C12orf42: variants seen among roughly 807,000 people sequenced by gnomAD.
C12orf42 encodes chromosome 12 open reading frame 42.
A neutral mutation model predicts 21.6 loss-of-function variants in C12orf42; 25 were observed. That is an observed-to-expected ratio of 1.16 (90% CI 0.84 to 1.62). The LOEUF is 1.62. C12orf42 is among the 40% of genes most tolerant of loss of function. The pLI is 0.00. For synonymous variants in C12orf42, 174 were observed against 175.0 expected (o/e 0.99, Z 0.05); for missense variants, 483 against 459.3 (o/e 1.05, Z -0.47).
the C12orf42 span, among the ~76,000 whole-genome samples, chr12:103,185,375 C>T: frequency 6.6e-6 from 1 of 152,202 alleles, no homozygotes; most frequent in Non-Finnish European, 1.5e-5. Context: ...TGCTTGATCA[C>T]TCATCGTCCA....
the C12orf42 span, among the ~76,000 whole-genome samples, chr12:103,553,963 G>A: frequency 6.6e-6 from 1 of 152,196 alleles, no homozygotes; most frequent in Non-Finnish European, 1.5e-5. Context: ...TCAGAAGGAA[G>A]TCTCAGAAAC....
the C12orf42 span, among the ~76,000 whole-genome samples, chr12:103,181,087 C>T: frequency 1.3e-5 from 2 of 151,666 alleles, no homozygotes; most frequent in African/African-American, 4.8e-5. Flanking sequence ...CATGGTGAAA[C>T]CCCGTCTCTA....
the C12orf42 span, among the ~76,000 whole-genome samples, chr12:103,122,654 G>A: frequency 6.6e-6 from 1 of 152,158 alleles, no homozygotes; most frequent in Non-Finnish European, 1.5e-5. Flanking sequence ...TTGGGCAGGA[G>A]AAATGTGAGG....
the C12orf42 span, among the ~76,000 whole-genome samples, chr12:103,090,722 A>G: frequency 4.6e-5 from 7 of 152,082 alleles, no homozygotes; most frequent in Admixed American, 6.5e-5. Context: ...AGATACCTAC[A>G]TTTCAACCGG....
chr12:103,068,957 A>ATG, the C12orf42 span, among the ~76,000 whole-genome samples: 5 of 73,128 alleles, frequency 6.8e-5, no homozygotes, highest in East Asian at 3.8e-4. Flanking sequence ...ATATATATAT[A>ATG]TATATATATA....
chr12:103,129,971 C>A, the C12orf42 span, among the ~76,000 whole-genome samples: 1 of 152,144 alleles, frequency 6.6e-6, no homozygotes, highest in Non-Finnish European at 1.5e-5. Context: ...AGGATAACAT[C>A]AAGGATACCA....
At chr12:103,208,510 G>A in the C12orf42 span, among the ~76,000 whole-genome samples, 1 of 152,136 alleles carries the variant, frequency 6.6e-6, no homozygotes, top group Non-Finnish European at 1.5e-5. Context: ...TTTTTACACT[G>A]TTGACTAAAG....
chr12:103,512,733 G>A, the C12orf42 span, among the ~76,000 whole-genome samples: 1 of 152,222 alleles, frequency 6.6e-6, no homozygotes, highest in African/African-American at 2.4e-5. Flanking sequence ...GCTGGCTGCA[G>A]TGGCTCATGC....
At chr12:103,353,555 C>T (rs1034491045) in intron 4 of C12orf42, among the ~76,000 whole-genome samples, 9 of 152,088 alleles carry the variant, frequency 5.9e-5, no homozygotes, top group Non-Finnish European at 8.8e-5. Flanking sequence ...GGGCCAGTAG[C>T]AGAGGCACTT....
At chr12:103,252,901 T>C (rs2034380359) in intron 10 of C12orf42, among the ~76,000 whole-genome samples, 1 of 152,232 alleles carries the variant, frequency 6.6e-6, no homozygotes, top group Non-Finnish European at 1.5e-5. Context: ...TGAATAGTAT[T>C]ACCTAGGTTT....
intron 2 of C12orf42, among the ~76,000 whole-genome samples, chr12:103,468,045 T>G (rs535924218): frequency 5.9e-5 from 9 of 152,326 alleles, no homozygotes; most frequent in Middle Eastern, 6.8e-3. Context: ...CAACAAACCT[T>G]AATTAATAAA....
At chr12:103,284,815 C>T (rs140947186) in intron 4 of C12orf42, among the ~76,000 whole-genome samples, 16 of 152,242 alleles carry the variant, frequency 1.1e-4, no homozygotes, top group African/African-American at 3.6e-4. Flanking sequence ...CTTTCGTGGG[C>T]CCCTACTGAA....
chr12:103,086,688 A>T, the C12orf42 span, among the ~76,000 whole-genome samples: 51 of 151,904 alleles, frequency 3.4e-4, no homozygotes, highest in African/African-American at 1.1e-3. Flanking sequence ...AACCCCAATA[A>T]CTCAAGGGAA....
In C12orf42 at chr12:103,302,501, G is replaced by T. The variant is rs749240934; in HGVS notation, c.690C>A (p.Gly230=). 1 of 1,613,260 alleles carries T rather than the reference G, an allele frequency of 6.2e-7. No homozygotes were observed. Among genetic ancestry groups the T allele is most frequent in the Non-Finnish European group, 8.5e-7 (1 of 1,179,788 alleles). ...TACTCGGGCCGGTGCTCTGCAGAGC[G>T]CCGGGCGTCTGGCTCCTCCTGCAGA... is the stretch of plus-strand genomic sequence containing the variant. ...IGLCRRSQTP[G]ALQSTGPSNT... Residue 230 remains glycine (G), a synonymous_variant, in exon 6 of 6, where the codon GGC becomes GGA. Transcript: ENST00000548883.
chr12:103,244,988 G>T (rs1343522927), intron 10 of C12orf42, among the ~76,000 whole-genome samples: 2 of 152,014 alleles, frequency 1.3e-5, no homozygotes, highest in Non-Finnish European at 2.9e-5. Flanking sequence ...CAGAAGCAAA[G>T]GGGGAAAACA....
chr12:103,234,965 T>C (rs2033424744), downstream of C12orf42, among the ~76,000 whole-genome samples: 1 of 152,162 alleles, frequency 6.6e-6, no homozygotes, highest in Non-Finnish European at 1.5e-5. Flanking sequence ...AAGAATTCAA[T>C]ATATAAATGT....
At chr12:103,452,055 G>C (rs189605951) in intron 2 of C12orf42, among the ~76,000 whole-genome samples, 2 of 151,824 alleles carry the variant, frequency 1.3e-5, no homozygotes, top group African/African-American at 4.8e-5. Flanking sequence ...TGTTGATTTA[G>C]GCCAGATGAA....
At chr12:103,377,971 T>C (rs2045849743) in intron 3 of C12orf42, among the ~76,000 whole-genome samples, 1 of 152,202 alleles carries the variant, frequency 6.6e-6, no homozygotes, top group African/African-American at 2.4e-5. Flanking sequence ...GAATGCATTT[T>C]GTTTTAAAGC....
chr12:103,549,222 AC>A, the C12orf42 span, among the ~76,000 whole-genome samples: 2 of 152,186 alleles, frequency 1.3e-5, no homozygotes, highest in African/African-American at 4.8e-5. Flanking sequence ...CTTTTACAGT[AC>A]TTATTAGGTT....
Sources: allele counts gnomAD v4.1 joint callset (sites outside exome capture counted in the v4.1 genomes callset), GRCh38; gene constraint gnomAD v4.1.1; transcripts MANE v1.5; gene names NCBI Gene and HGNC (gene_info 2026-07-23, HGNC 2026-07-21).